LY6G5C: variants seen among roughly 807,000 people sequenced by gnomAD.
The protein encoded by LY6G5C is lymphocyte antigen 6 family member G5C, also known as lymphocyte antigen 6 complex locus protein G5c.
In LY6G5C, 6 loss-of-function variants were observed where a neutral mutation model predicts 10.5. The ratio of observed to expected loss-of-function variants is 0.57; its 90% CI spans 0.31 to 1.12. The LOEUF is 1.12. LY6G5C is among the 50% of genes most tolerant of loss of function. LY6G5C has a pLI of 0.05. For synonymous variants in LY6G5C, 69 were observed against 67.8 expected (o/e 1.02, Z -0.09); for missense variants, 160 against 185.5 (o/e 0.86, Z 0.80).
chr6:31,676,781 A>C, exon 3 of LY6G5C: 2 of 628,632 alleles, frequency 3.2e-6, no homozygotes, highest in Non-Finnish European at 5.7e-6. Context: ...ACAGAGTAGC[A>C]GTAAGTGTGC....
Position 31,680,297 on chromosome 6 carries a change from T to TAG in LY6G5C, c.75_76dup (p.Tyr26SerfsTer6). 1.2e-6 allele frequency: 2 copies of TAG among 1,611,800 alleles called. No individual in the cohort carries two copies. Among genetic ancestry groups the TAG allele is most frequent in the Non-Finnish European group, 1.7e-6 (2 of 1,179,952 alleles). ...GACCAGCACTATTAAGAGGACCGTG[T>TAG]AGAGGGCTTGGGGGCTGCTGTGGAA... On this transcript the variant is annotated frameshift_variant, in exon 1 of 3. Coordinates refer to ENST00000383237, the Ensembl canonical transcript of LY6G5C. LOFTEE classifies it high-confidence loss of function. The surrounding 1 kb of genome is among the most constrained non-coding windows in gnomAD (Gnocchi z 4.5).
upstream of LY6G5C, among the ~76,000 whole-genome samples, chr6:31,680,991 GAGGGGTGAGGGAAC>G (rs1386324265): frequency 6.6e-6 from 1 of 151,394 alleles, no homozygotes; most frequent in Non-Finnish European, 1.5e-5. The surrounding 1 kb of genome is among the most constrained non-coding windows in gnomAD (Gnocchi z 4.5). Flanking sequence ...TGGACTGAAC[GAGGGGTGAGGGAAC>G]AGGGGTAGGC....
At position 31,679,121 on chromosome 6, in the gene LY6G5C, A is replaced by G. The variant is rs762926808; in HGVS notation, c.269T>C (p.Ile90Thr). Residue 90 changes from isoleucine (I) to threonine (T), a missense_variant, in exon 2 of 3, where the codon ATC becomes ACC. Transcript: ENST00000383237. This position sits in a 1 kb window ranked among gnomAD's most constrained non-coding sequence, Gnocchi z 4.4. ...CTTACTGTTCTTTTTGTGGAGAGTG[A>G]TGCAGCTGCTGCCAGCTGGGGTGAG... The G allele has an allele frequency of 2.5e-6, 4 of 1,612,840 alleles. No homozygotes were observed. The highest frequency in any genetic ancestry group is 2.5e-6 in the Non-Finnish European group (3 of 1,179,984).
At position 31,679,386 on chromosome 6, in the gene LY6G5C, T is replaced by C. The variant is rs1394539573; in HGVS notation, c.122-118A>G. ...CCTCCCTTCCTGTCTCAGAAAACCA[T>C]CAAAGCCCCAATTCTCTGCTTCCTT... On this transcript the variant is annotated intron_variant, in intron 1 of 2. Transcript: ENST00000383237. The surrounding 1 kb of genome is among the most constrained non-coding windows in gnomAD (Gnocchi z 4.4). 8.9e-7 allele frequency: 1 copy of C among 1,124,830 alleles called. No homozygotes were observed. The highest frequency in any genetic ancestry group is 1.5e-5 in the African/African-American group (1 of 65,120). The allele number at this position is 1,124,830 out of a possible 1,614,324, so 69.7% of individuals were successfully genotyped here. A position where few individuals can be genotyped will look rare whatever the true frequency, so the allele number is the denominator to read the frequency against.
Position 31,680,262 on chromosome 6 carries a change from A to G in LY6G5C, c.112T>C (p.Leu38=), listed in dbSNP as rs758931881. 1.9e-6 allele frequency: 3 copies of G among 1,612,636 alleles called. No individual in the cohort carries two copies. The highest frequency in any genetic ancestry group is 2.5e-6 in the Non-Finnish European group (3 of 1,179,978). The change falls in exon 1 of 3, where the codon TTG becomes CTG. Residue 38 remains leucine, a synonymous_variant. Transcript: ENST00000383237. The surrounding 1 kb of genome is among the most constrained non-coding windows in gnomAD (Gnocchi z 4.5). ...CCTTGGAGCCACTTACCAAACACCAAGCTCATCATGACCAGCACTATTAAG... is the reference window on the plus strand; with the variant it reads ...CCTTGGAGCCACTTACCAAACACCAGGCTCATCATGACCAGCACTATTAAG...
upstream of LY6G5C, among the ~76,000 whole-genome samples, chr6:31,680,626 C>T (rs805290): frequency 0.38 from 57,244 of 152,076 alleles, 11,877 homozygotes; most frequent in African/African-American, 0.55. The surrounding 1 kb of genome is among the most constrained non-coding windows in gnomAD (Gnocchi z 4.5). Flanking sequence ...GCATCAGATG[C>T]TGGGGATACA....
Position 31,679,352 on chromosome 6 carries a change from C to T in LY6G5C, c.122-84G>A, listed in dbSNP as rs1244823924. 5.6e-6 allele frequency: 8 copies of T among 1,441,044 alleles called. No individual in the cohort carries two copies. The highest frequency in any genetic ancestry group is 4.2e-5 in the African/African-American group (3 of 71,628). 89.3% of individuals were successfully genotyped at this position (1,441,044 alleles called of 1,614,324 possible). A position where few individuals can be genotyped will look rare whatever the true frequency, so the allele number is the denominator to read the frequency against. ...CTGCCTGATTCCAGGCCACTCAGCC[C>T]CACTCCTCCCTCCCTTCCTGTCTCA... is the stretch of plus-strand genomic sequence containing the variant. On this transcript the variant is annotated intron_variant, in intron 1 of 2. Transcript: ENST00000383237. This position sits in a 1 kb window ranked among gnomAD's most constrained non-coding sequence, Gnocchi z 4.4.
upstream of LY6G5C, chr6:31,680,485 A>AG: frequency 7.6e-7 from 1 of 1,308,140 alleles, no homozygotes; most frequent in Non-Finnish European, 1.0e-6. The surrounding 1 kb of genome is among the most constrained non-coding windows in gnomAD (Gnocchi z 4.5). Context: ...GACCAGCCAG[A>AG]GGGGCAGAAT....
At position 31,679,643 on chromosome 6, in the gene LY6G5C, C is replaced by T. The variant is rs1802772916; in HGVS notation, c.122-375G>A. The T allele has an allele frequency of 3.3e-6, 1 of 307,082 alleles. No individual in the cohort carries two copies. The highest frequency in any genetic ancestry group is 4.2e-5 in the Admixed American group (1 of 24,068). The allele number at this position is 307,082 out of a possible 1,614,324, so 19.0% of individuals were successfully genotyped here. On this transcript the variant is annotated intron_variant, in intron 1 of 2. Transcript: ENST00000383237. The surrounding 1 kb of genome is among the most constrained non-coding windows in gnomAD (Gnocchi z 4.4). The stretch of plus-strand genomic sequence containing the variant: ...GATTCTGGTTTTCTCATCCAGCACA[C>T]TCCCTAACCCTCCCTATTCTATGTT...
At chr6:31,678,834 G>C (rs1802715901) in intron 2 of LY6G5C, among the ~76,000 whole-genome samples, 3 of 152,110 alleles carry the variant, frequency 2.0e-5, no homozygotes, top group Non-Finnish European at 4.4e-5. Flanking sequence ...CAAAAAATTA[G>C]CTGGGCGTGG....
rs538494304 is a variant in LY6G5C at position 31,679,427 on chromosome 6, C to T, written c.122-159G>A. The T allele has an allele frequency of 1.2e-3, 872 of 724,598 alleles. 1 individual carries two copies. Among genetic ancestry groups the T allele is most frequent in the Middle Eastern group, 3.2e-3 (10 of 3,094 alleles). 44.9% of individuals were successfully genotyped at this position (724,598 alleles called of 1,614,324 possible). ...CTGCTTCCTTCCCCAACTGCATACA[C>T]ATACATCCCCCTTTTCCTCTGGTCC... On this transcript the variant is annotated intron_variant, in intron 1 of 2. Coordinates refer to ENST00000383237, the Ensembl canonical transcript of LY6G5C. This position sits in a 1 kb window ranked among gnomAD's most constrained non-coding sequence, Gnocchi z 4.4.
upstream of LY6G5C, chr6:31,680,429 G>T: frequency 6.4e-7 from 1 of 1,559,984 alleles, no homozygotes; most frequent in Non-Finnish European, 8.7e-7. The surrounding 1 kb of genome is among the most constrained non-coding windows in gnomAD (Gnocchi z 4.5). Context: ...GGTTGGCCAA[G>T]AGGAAGGAGA....
upstream of LY6G5C, chr6:31,680,410 T>A: frequency 6.3e-7 from 1 of 1,588,726 alleles, no homozygotes; most frequent in Non-Finnish European, 8.6e-7. The surrounding 1 kb of genome is among the most constrained non-coding windows in gnomAD (Gnocchi z 4.5). Flanking sequence ...CTTATATTGG[T>A]GGAAGAGAGG....
In LY6G5C at chr6:31,679,026, G is replaced by C; in HGVS notation, c.289+75C>G. 1 of 1,455,012 alleles carries C rather than the reference G, an allele frequency of 6.9e-7. No homozygotes were observed. The highest frequency in any genetic ancestry group is 9.6e-7 in the Non-Finnish European group (1 of 1,038,784). 90.1% of individuals were successfully genotyped at this position (1,455,012 alleles called of 1,614,324 possible). The stretch of plus-strand genomic sequence containing the variant: ...TTATGGGATTATGGGAACAAGACTT[G>C]GGGTGCAGCTTAGGAGGCTGAGAGA... On this transcript the variant is annotated intron_variant, in intron 2 of 2. Coordinates refer to ENST00000383237, the Ensembl canonical transcript of LY6G5C. The surrounding 1 kb of genome is among the most constrained non-coding windows in gnomAD (Gnocchi z 4.4).
At chr6:31,678,983 C>A (rs1217382829) in intron 2 of LY6G5C, 118 bp downstream of exon 2, 3 of 1,112,136 alleles carry the variant, frequency 2.7e-6, no homozygotes, top group South Asian at 1.5e-5. Context: ...AAAAAAAAGA[C>A]AGGATTGGAG....
rs1802768419 is a variant in LY6G5C at position 31,679,549 on chromosome 6, T to C, written c.122-281A>G. 1 of 507,364 alleles carries C rather than the reference T, an allele frequency of 2.0e-6. No homozygotes were observed. The highest frequency in any genetic ancestry group is 3.6e-6 in the Non-Finnish European group (1 of 280,144). The allele number at this position is 507,364 out of a possible 1,614,324, so 31.4% of individuals were successfully genotyped here. ...AAACCAACACTTTGAATCCTGTGTC[T>C]CTGTGGCTGGTGCTTTGCAGCCAAG... On this transcript the variant is annotated intron_variant, in intron 1 of 2. Transcript: ENST00000383237. This position sits in a 1 kb window ranked among gnomAD's most constrained non-coding sequence, Gnocchi z 4.4.
Position 31,680,147 on chromosome 6 carries a change from G to T in LY6G5C, c.121+106C>A. 7.3e-7 allele frequency: 1 copy of T among 1,362,562 alleles called. No individual in the cohort carries two copies. Among genetic ancestry groups the T allele is most frequent in the Non-Finnish European group, 1.0e-6 (1 of 960,766 alleles). 84.4% of individuals were successfully genotyped at this position (1,362,562 alleles called of 1,614,324 possible). ...ACCCATCTGTCCCATCTCTCCTCCT[G>T]CATGGGTTTACCTGAGCATCCTGGA... On this transcript the variant is annotated intron_variant, in intron 1 of 2. Transcript: ENST00000383237. The surrounding 1 kb of genome is among the most constrained non-coding windows in gnomAD (Gnocchi z 4.5).
At chr6:31,678,994 C>A in intron 2 of LY6G5C, 107 bp downstream of exon 2, 2 of 1,205,538 alleles carry the variant, frequency 1.7e-6, no homozygotes, top group Non-Finnish European at 2.4e-6. Flanking sequence ...AGGATTGGAG[C>A]AATGTCTTAT....
chr6:31,680,164 C>T lies in LY6G5C; in HGVS notation c.121+89G>A. Reference sequence around the variant, plus strand: ...CTCCTCCTGCATGGGTTTACCTGAGCATCCTGGACAGGTGTACCCAGACAC... The same window carrying T: ...CTCCTCCTGCATGGGTTTACCTGAGTATCCTGGACAGGTGTACCCAGACAC... On this transcript the variant is annotated intron_variant, in intron 1 of 2. Transcript: ENST00000383237. This position sits in a 1 kb window ranked among gnomAD's most constrained non-coding sequence, Gnocchi z 4.5. The T allele has an allele frequency of 1.3e-6, 2 of 1,535,806 alleles. No individual in the cohort carries two copies. Among genetic ancestry groups the T allele is most frequent in the East Asian group, 2.3e-5 (1 of 44,382 alleles).
Sources: gnomAD v4.1 joint callset for allele counts (sites outside exome capture counted in the v4.1 genomes callset) on GRCh38, gnomAD v4.1.1 for gene constraint, Gnocchi (gnomAD v3.1) non-coding constraint, MANE v1.5 for transcripts, NCBI Gene and HGNC (gene_info 2026-07-23, HGNC 2026-07-21) for gene names.